The following SARM1 variants were observed in gnomAD, a reference collection of about 807,000 sequenced individuals.
The protein encoded by SARM1 is sterile alpha and TIR motif containing 1, also known as NAD(+) hydrolase SARM1.
Under a neutral mutation model 65.1 loss-of-function variants are expected in SARM1, and 60 were observed. The observed-to-expected ratio is 0.92, with a 90% CI of 0.75 to 1.14. SARM1 has a LOEUF of 1.14. Ranked by LOEUF, SARM1 falls within the 50% of genes most tolerant of loss-of-function variation. SARM1 has a pLI of 0.00. For synonymous variants in SARM1, 417 were observed against 465.4 expected (o/e 0.90, Z 1.34); for missense variants, 913 against 1,015.7 (o/e 0.90, Z 1.37).
rs782636626 is a variant in SARM1 at position 28,381,399 on chromosome 17, C to G, written c.667C>G (p.Leu223Val). The change falls in exon 2 of 9, where the codon CTG (leucine) becomes GTG (valine). Residue 223 changes from leucine (L) to valine (V), a missense_variant. Transcript: ENST00000585482. ...YWCRRTDPAL[L>V]RHCALALGNC... is the part of the protein sequence containing the mutation. ...GTGCCGCCGCACGGACCCCGCGCTG[C>G]TGCGCCACTGCGCGCTGGCGCTGGG... 1 of 1,550,038 alleles carries G rather than the reference C, an allele frequency of 6.5e-7. No individual in the cohort carries two copies. Among genetic ancestry groups the G allele is most frequent in the Non-Finnish European group, 8.7e-7 (1 of 1,147,854 alleles).
At position 28,403,545 on chromosome 17, in the gene SARM1, A is replaced by T. The variant is rs2068221140; in HGVS notation, c.*7259A>T. On this transcript the variant is annotated 3_prime_UTR_variant, in exon 9 of 9. Transcript: ENST00000585482. ...TTGAGACCTCCCCCCGACCCAGAGCAATGACAGCATCTTTATCATCTCTGC... is the reference window on the plus strand; with the variant it reads ...TTGAGACCTCCCCCCGACCCAGAGCTATGACAGCATCTTTATCATCTCTGC... 6.6e-6 allele frequency: 1 copy of T among 152,168 alleles called. No homozygotes were observed. Among genetic ancestry groups the T allele is most frequent in the Non-Finnish European group, 1.5e-5 (1 of 68,050 alleles). 9.4% of individuals were successfully genotyped at this position (152,168 alleles called of 1,614,324 possible).
At position 28,394,600 on chromosome 17, in the gene SARM1, C is replaced by T. The variant is rs1274913526; in HGVS notation, c.1924-1305C>T. Among the ~76,000 whole-genome samples, 6 of 152,146 alleles carry T rather than the reference C, an allele frequency of 3.9e-5. No individual in the cohort carries two copies. In the South Asian group the frequency reaches 6.2e-4, roughly 16 times the overall value. On this transcript the variant is annotated intron_variant, in intron 7 of 8. Coordinates refer to ENST00000585482, the MANE Select transcript of SARM1 (RefSeq NM_015077.4). ...AAATTCGGGGGTGCCCATGACACCC[C>T]GAGATTCAATTTGCCAGAATGACTC...
chr17:28,382,223 G>A, intron 2 of SARM1, among the ~76,000 whole-genome samples: 1 of 152,138 alleles, frequency 6.6e-6, no homozygotes, highest in East Asian at 1.9e-4. Context: ...AAGAGATGGA[G>A]TTAGCACTTG....
At chr17:28,386,323 A>G (rs959639890) in intron 5 of SARM1, among the ~76,000 whole-genome samples, 13 of 152,168 alleles carry the variant, frequency 8.5e-5, no homozygotes, top group African/African-American at 2.7e-4. Flanking sequence ...AAAGAAAAAA[A>G]GTATCAGTTT....
In SARM1 at chr17:28,400,819, T is replaced by A; in HGVS notation, c.*4533T>A. 5 of 1,503,300 alleles carry A rather than the reference T, an allele frequency of 3.3e-6. No homozygotes were observed. The South Asian group carries it at 6.0e-5, about 18-fold the overall frequency. 93.1% of individuals were successfully genotyped at this position (1,503,300 alleles called of 1,614,324 possible). A position where few individuals can be genotyped will look rare whatever the true frequency, so the allele number is the denominator to read the frequency against. On this transcript the variant is annotated 3_prime_UTR_variant, in exon 9 of 9. Transcript: ENST00000585482. ...GAGTCCGAAAGGGCCATATTCCAAC[T>A]CTGGCACCACCACCTCACAGCTGTG...
intron 7 of SARM1, among the ~76,000 whole-genome samples, chr17:28,391,271 G>T (rs2068078391): frequency 6.6e-6 from 1 of 152,206 alleles, no homozygotes; most frequent in Non-Finnish European, 1.5e-5. Context: ...TGAATAGCTA[G>T]TTACTATAAA....
Position 28,381,696 on chromosome 17 carries a change from C to G in SARM1, c.964C>G (p.Arg322Gly), listed in dbSNP as rs1567806942. The change falls in exon 2 of 9, where the codon CGC becomes GGC. Residue 322 changes from arginine (R) to glycine (G), a missense_variant. Arg to Gly is a moderately radical substitution (Grantham distance 125). Around this residue, in one of 3 missense-constraint regions of SARM1, gnomAD observed 862 missense variants for 952.1 expected, o/e 0.91. Coordinates refer to ENST00000585482, the MANE Select transcript of SARM1 (RefSeq NM_015077.4). ...GGACGCCAGCGACACAAGCCAGGGC[C>G]GCGGGCCCGACGACCTGCAGCGCCT... The part of the protein sequence containing the change: ...LVDASDTSQG[R>G]GPDDLQRLVP... 1 of 1,560,686 alleles carries G rather than the reference C, an allele frequency of 6.4e-7. No individual in the cohort carries two copies. Among genetic ancestry groups the G allele is most frequent in the East Asian group, 2.4e-5 (1 of 42,020 alleles).
At chr17:28,389,159 G>A (rs2068068453) in intron 7 of SARM1, among the ~76,000 whole-genome samples, 1 of 152,184 alleles carries the variant, frequency 6.6e-6, no homozygotes, top group South Asian at 2.1e-4. Flanking sequence ...GCTCAAAACT[G>A]AGAGTTTGAA....
rs2068155474 is a variant in SARM1, at chr17:28,398,294, G to A, written c.*2008G>A. 6.6e-6 allele frequency: 1 copy of A among 152,308 alleles called. No individual in the cohort carries two copies. The highest frequency in any genetic ancestry group is 2.1e-4 in the South Asian group (1 of 4,832). 9.4% of individuals were successfully genotyped at this position (152,308 alleles called of 1,614,324 possible). A position where few individuals can be genotyped will look rare whatever the true frequency, so the allele number is the denominator to read the frequency against. On this transcript the variant is annotated 3_prime_UTR_variant, in exon 9 of 9. Coordinates refer to ENST00000585482, the MANE Select transcript of SARM1 (RefSeq NM_015077.4). ...ACCCTCCACTGTTGTCCACTGCCCTGTGTGGCCTTCTGGTTGACCTCTGCC... is the reference window on the plus strand; with the variant it reads ...ACCCTCCACTGTTGTCCACTGCCCTATGTGGCCTTCTGGTTGACCTCTGCC...
At chr17:28,376,878 C>T (rs1338077599) in intron 1 of SARM1, among the ~76,000 whole-genome samples, 1 of 152,074 alleles carries the variant, frequency 6.6e-6, no homozygotes, top group African/African-American at 2.4e-5. Flanking sequence ...CAACCTCTGC[C>T]TCCCAGGCTC....
intron 5 of SARM1, among the ~76,000 whole-genome samples, chr17:28,387,241 T>C (rs200418338): frequency 2.3e-5 from 3 of 131,054 alleles, no homozygotes; most frequent in East Asian, 2.7e-4. Context: ...CTTTTCTTTT[T>C]TTTTTTTTTT....
chr17:28,388,801 C>T (rs1309541366), intron 7 of SARM1, among the ~76,000 whole-genome samples: 1 of 146,410 alleles, frequency 6.8e-6, no homozygotes, highest in African/African-American at 2.5e-5. Context: ...GGTAGAGTCT[C>T]GCTCTGTCAC....
In SARM1 at chr17:28,372,586, C is replaced by T. The variant is rs2067964648; in HGVS notation, c.470+84C>T. Reference sequence around the variant, plus strand: ...GCGTTCCCGTGTGCCTTGCGCCGTGCCTTTGCCTCCCTCACCTCTCTGACT... The same window carrying T: ...GCGTTCCCGTGTGCCTTGCGCCGTGTCTTTGCCTCCCTCACCTCTCTGACT... On this transcript the variant is annotated intron_variant, in intron 1 of 8. Transcript: ENST00000585482. This position sits in a 1 kb window ranked among gnomAD's most constrained non-coding sequence, Gnocchi z 5.2. 3 of 1,038,704 alleles carry T rather than the reference C, an allele frequency of 2.9e-6. No individual in the cohort carries two copies. 64.3% of individuals were successfully genotyped at this position (1,038,704 alleles called of 1,614,324 possible).
At chr17:28,380,501 T>A (rs946032889) in intron 1 of SARM1, among the ~76,000 whole-genome samples, 2 of 152,236 alleles carry the variant, frequency 1.3e-5, no homozygotes, top group Non-Finnish European at 2.9e-5. Context: ...ATTGTTTTCT[T>A]GTCTATGTCT....
chr17:28,385,073 C>A lies in SARM1; in HGVS notation c.1428C>A (p.Phe476Leu), dbSNP rs782771413. 2 of 1,613,744 alleles carry A rather than the reference C, an allele frequency of 1.2e-6. No individual in the cohort carries two copies. Among genetic ancestry groups the A allele is most frequent in the African/African-American group, 2.7e-5 (2 of 74,930 alleles). ...GGGAGCTCACGGAGCTCAAGACCTTCGCCAACTATTCTACGTGCGACCGCA... is the reference window on the plus strand; with the variant it reads ...GGGAGCTCACGGAGCTCAAGACCTTAGCCAACTATTCTACGTGCGACCGCA... ...FFRELTELKT[F>L]ANYSTCDRSN... Residue 476 changes from phenylalanine (F) to leucine (L), a missense_variant, in exon 5 of 9, where the codon TTC becomes TTA. Physicochemically the swap from Phe to Leu is conservative, Grantham distance 22. Transcript: ENST00000585482. This position sits in a 1 kb window ranked among gnomAD's most constrained non-coding sequence, Gnocchi z 4.5.
chr17:28,402,136 A>AG lies in SARM1; in HGVS notation c.*5856dup. On this transcript the variant is annotated 3_prime_UTR_variant, in exon 9 of 9. Transcript: ENST00000585482. ...TGGCCACTTACTTCTCCAGGGTGAG[A>AG]GGGGGGAAGGCAAGCTGTTCCCCCA... 3 of 968,014 alleles carry AG rather than the reference A, an allele frequency of 3.1e-6. No individual in the cohort carries two copies. The highest frequency in any genetic ancestry group is 4.6e-6 in the Non-Finnish European group (3 of 652,934). 60.0% of individuals were successfully genotyped at this position (968,014 alleles called of 1,614,324 possible). A position where few individuals can be genotyped will look rare whatever the true frequency, so the allele number is the denominator to read the frequency against.
chr17:28,373,182 G>A (rs2067968246), intron 1 of SARM1: 1 of 152,312 alleles, frequency 6.6e-6, no homozygotes, highest in Non-Finnish European at 1.5e-5. Context: ...ACCAGGCAGA[G>A]TGTGTGTTCT....
chr17:28,400,601 C>T lies in SARM1; in HGVS notation c.*4315C>T. ...CCATTATGAGCATGGGTTCAGGGCCCTGCATTACCCAATCAGAACAGCCGG... is the reference window on the plus strand; with the variant it reads ...CCATTATGAGCATGGGTTCAGGGCCTTGCATTACCCAATCAGAACAGCCGG... On this transcript the variant is annotated 3_prime_UTR_variant, in exon 9 of 9. Coordinates refer to ENST00000585482, the MANE Select transcript of SARM1 (RefSeq NM_015077.4). 1 of 1,613,526 alleles carries T rather than the reference C, an allele frequency of 6.2e-7. No individual in the cohort carries two copies. The highest frequency in any genetic ancestry group is 8.5e-7 in the Non-Finnish European group (1 of 1,179,738).
intron 7 of SARM1, among the ~76,000 whole-genome samples, chr17:28,393,377 C>T (rs1163301040): frequency 2.0e-5 from 3 of 151,882 alleles, no homozygotes; most frequent in African/African-American, 7.3e-5. Flanking sequence ...GGTGAAACCC[C>T]ATCTCTACTA....
Sources: gnomAD v4.1 joint callset for allele counts (sites outside exome capture counted in the v4.1 genomes callset) on GRCh38, gnomAD v4.1.1 for gene constraint, gnomAD v4.1.1 regional missense constraint, Gnocchi (gnomAD v3.1) non-coding constraint, MANE v1.5 for transcripts, NCBI Gene and HGNC (gene_info 2026-07-23, HGNC 2026-07-21) for gene names.